The following CSMD1 variants were observed in gnomAD, a reference collection of about 807,000 sequenced individuals.
The protein encoded by CSMD1 is CUB and sushi domain-containing protein 1.
In CSMD1, 213 loss-of-function variants were observed where a neutral mutation model predicts 417.5. That is an observed-to-expected ratio of 0.51 (90% confidence interval 0.46 to 0.57). CSMD1 has a LOEUF of 0.57. Among genes scored for constraint, CSMD1 ranks in the 20% least tolerant of loss-of-function variants. The probability of loss-of-function intolerance (pLI) is 0.00; values close to 1 mark genes in which losing one functional copy is unlikely to be tolerated. For missense variants in CSMD1, 6,923 were observed against 4,529.7 expected (o/e 1.53, Z -15.17); for synonymous variants, 2,862 against 1,736.8 (o/e 1.65, Z -16.11).
At chr8:4,347,846 A>C (rs1165710340) in intron 3 of CSMD1, among the ~76,000 whole-genome samples, 1 of 38,798 alleles carries the variant, frequency 2.6e-5, no homozygotes, top group Non-Finnish European at 4.3e-5. Context: ...CAAAGAAACA[A>C]AAAAAAACAG....
At chr8:3,581,303 T>C (rs1354359053) in intron 9 of CSMD1, among the ~76,000 whole-genome samples, 1 of 152,214 alleles carries the variant, frequency 6.6e-6, no homozygotes, top group Non-Finnish European at 1.5e-5. Context: ...CTGCAAAAAA[T>C]CATAATGGTT....
At chr8:4,778,787 C>G (rs1797004091) in intron 1 of CSMD1, among the ~76,000 whole-genome samples, 1 of 152,176 alleles carries the variant, frequency 6.6e-6, no homozygotes, top group South Asian at 2.1e-4. Context: ...ACATAACATA[C>G]ACTTCATTAG....
intron 2 of CSMD1, among the ~76,000 whole-genome samples, chr8:4,541,106 G>A (rs780919906): frequency 2.0e-5 from 3 of 152,188 alleles, no homozygotes; most frequent in Non-Finnish European, 4.4e-5. Flanking sequence ...TGTCTGGAGA[G>A]TTGAGAATTA....
intron 2 of CSMD1, among the ~76,000 whole-genome samples, chr8:4,424,868 ATTTCT>A (rs1042249982): frequency 6.6e-6 from 1 of 152,060 alleles, no homozygotes; most frequent in Non-Finnish European, 1.5e-5. Context: ...TCTTTGTATA[ATTTCT>A]TTTAACTACA....
chr8:3,847,407 G>T (rs1453510341), intron 5 of CSMD1, among the ~76,000 whole-genome samples: 1 of 152,132 alleles, frequency 6.6e-6, no homozygotes, highest in Non-Finnish European at 1.5e-5. Flanking sequence ...TGCCCAGTGT[G>T]GGGAGGGACA....
chr8:3,917,311 A>T (rs76624226), intron 5 of CSMD1, among the ~76,000 whole-genome samples: 2 of 152,128 alleles, frequency 1.3e-5, no homozygotes, highest in African/African-American at 2.4e-5. Flanking sequence ...TGGGAGTAGC[A>T]GACTCAGGAG....
chr8:3,898,841 C>T (rs559763240), intron 5 of CSMD1, among the ~76,000 whole-genome samples: 3 of 152,272 alleles, frequency 2.0e-5, no homozygotes, highest in African/African-American at 7.2e-5. Context: ...TTATTGATTT[C>T]TCAGGACATA....
intron 3 of CSMD1, among the ~76,000 whole-genome samples, chr8:4,377,415 G>C (rs1802824993): frequency 6.6e-6 from 1 of 152,076 alleles, no homozygotes; most frequent in South Asian, 2.1e-4. Context: ...AATCTATTCA[G>C]TTTTCAATGC....
rs113288380 is a variant in CSMD1 at position 3,598,908 on chromosome 8, C to G, written c.1098-12648G>C. ...CCAGTCTGACCAACATAATGAAACC[C>G]CATCTCTATGAAAAATACAAAAATT... On this transcript the variant is annotated intron_variant, in intron 8 of 69. Transcript: ENST00000635120. Among the ~76,000 whole-genome samples, 271 of 152,078 alleles carry G rather than the reference C, an allele frequency of 1.8e-3. 1 individual carries two copies. Among genetic ancestry groups the G allele is most frequent in the African/African-American group, 6.3e-3 (262 of 41,458 alleles).
chr8:4,470,838 GCTT>G (rs1585131326), intron 2 of CSMD1, among the ~76,000 whole-genome samples: 2 of 152,136 alleles, frequency 1.3e-5, no homozygotes, highest in South Asian at 2.1e-4. Flanking sequence ...TTGTCTCTGG[GCTT>G]CTTTGATTTT....
At chr8:4,588,157 G>C (rs1307543079) in intron 2 of CSMD1, among the ~76,000 whole-genome samples, 2 of 151,962 alleles carry the variant, frequency 1.3e-5, no homozygotes. Context: ...ATTTTAAATG[G>C]CTAGTAAAAT....
chr8:4,282,088 C>G (rs1032062260), intron 3 of CSMD1, among the ~76,000 whole-genome samples: 2 of 152,180 alleles, frequency 1.3e-5, no homozygotes, highest in Non-Finnish European at 2.9e-5. Context: ...GGAAAACATT[C>G]TTTTATTAAT....
chr8:3,497,642 G>A (rs571967669), intron 10 of CSMD1, among the ~76,000 whole-genome samples: 2 of 152,278 alleles, frequency 1.3e-5, no homozygotes, highest in African/African-American at 2.4e-5. Context: ...GTTTCTGTTT[G>A]CATGGACTAT....
rs551239731 is a variant in CSMD1 at position 3,293,191 on chromosome 8, A to G, written c.3951-8845T>C. Among the ~76,000 whole-genome samples the G allele has an allele frequency of 4.5e-3, 691 of 152,222 alleles. 2 individuals carry two copies. Among genetic ancestry groups the G allele is most frequent in the Non-Finnish European group, 7.7e-3 (527 of 68,024 alleles). ...TGGCTTGTAGAGTTTTTGCCGAGAG[A>G]TCCGCTGTTGGTCTGATGGGCTTCC... On this transcript the variant is annotated intron_variant, in intron 25 of 69. Coordinates refer to ENST00000635120, the MANE Select transcript of CSMD1 (RefSeq NM_033225.6).
At chr8:4,550,161 C>G (rs770965996) in intron 2 of CSMD1, among the ~76,000 whole-genome samples, 2 of 151,814 alleles carry the variant, frequency 1.3e-5, no homozygotes, top group Non-Finnish European at 2.9e-5. Flanking sequence ...TGACGAAGGT[C>G]TCAGCAAAAG....
chr8:3,414,476 G>A (rs180822718), intron 12 of CSMD1, among the ~76,000 whole-genome samples: 68 of 152,184 alleles, frequency 4.5e-4, no homozygotes, highest in African/African-American at 1.5e-3. Context: ...ACCCCTCACT[G>A]TCTATCATCA....
chr8:3,399,174 T>A (rs1253943763), intron 16 of CSMD1, among the ~76,000 whole-genome samples: 4 of 152,118 alleles, frequency 2.6e-5, no homozygotes, highest in Non-Finnish European at 5.9e-5. Context: ...GACTGGCAGT[T>A]CCCCTACTAA....
At chr8:3,973,296 C>G (rs1042359446) in intron 5 of CSMD1, among the ~76,000 whole-genome samples, 3 of 152,018 alleles carry the variant, frequency 2.0e-5, no homozygotes, top group Admixed American at 2.0e-4. Flanking sequence ...TCCCACCTGC[C>G]GAGGGATTTG....
chr8:3,385,417 G>C (rs866446936), intron 18 of CSMD1, among the ~76,000 whole-genome samples: 1 of 151,398 alleles, frequency 6.6e-6, no homozygotes, highest in South Asian at 2.1e-4. Flanking sequence ...CTATTGACCT[G>C]TTATCCTGAA....
Sources: allele counts gnomAD v4.1 joint callset (sites outside exome capture counted in the v4.1 genomes callset), GRCh38; gene constraint gnomAD v4.1.1; transcripts MANE v1.5; gene names NCBI Gene and HGNC (gene_info 2026-07-23, HGNC 2026-07-21).